The following SKI variants were observed in gnomAD, a reference collection of about 807,000 sequenced individuals.
The protein encoded by SKI is ski oncogene.
A neutral mutation model predicts 59.3 loss-of-function variants in SKI; 23 were observed. The observed-to-expected ratio is 0.39, with a 90% CI of 0.28 to 0.55. SKI has a LOEUF of 0.55. Ranked by LOEUF, SKI falls within the 20% of genes least tolerant of loss-of-function variation. The pLI is 0.67. For synonymous variants in SKI, 673 were observed against 488.6 expected (o/e 1.38, Z -4.98); for missense variants, 1,017 against 1,038.9 (o/e 0.98, Z 0.29).
chr1:2,304,658 A>G, intron 5 of SKI, 73 bp downstream of exon 5: 1 of 1,478,600 alleles, frequency 6.8e-7, no homozygotes. Flanking sequence ...GTGAACGGGC[A>G]CAGGTGGTGC....
At chr1:2,295,980 T>G (rs183163871) in intron 1 of SKI, among the ~76,000 whole-genome samples, 19 of 152,318 alleles carry the variant, frequency 1.2e-4, no homozygotes, top group Admixed American at 7.2e-4. Flanking sequence ...TGTGTTAAGC[T>G]TCCGAGGACC....
At chr1:2,256,947 G>C (rs1639286726) in intron 1 of SKI, among the ~76,000 whole-genome samples, 3 of 152,218 alleles carry the variant, frequency 2.0e-5, no homozygotes, top group African/African-American at 7.2e-5. Context: ...GGCATCTTCT[G>C]CTCGGTGCTC....
In SKI at chr1:2,302,751, G is replaced by T. The variant is rs559743358; in HGVS notation, c.970-227G>T. On this transcript the variant is annotated intron_variant, in intron 1 of 6. Coordinates refer to ENST00000378536, the MANE Select transcript of SKI (RefSeq NM_003036.4). ...CACTCTGTTCTCTCGGAGATGACTT[G>T]TCCCTCAGCACAGCCTCCACGTGCC... Among the ~76,000 whole-genome samples the T allele has an allele frequency of 7.2e-5, 11 of 152,328 alleles. No individual in the cohort carries two copies. The East Asian group carries it at 1.7e-3, about 24-fold the overall frequency.
rs1233305076 is a variant in SKI at position 2,303,389 on chromosome 1, C to G, written c.1200C>G (p.Leu400=). 6.2e-7 allele frequency: 1 copy of G among 1,612,824 alleles called. No individual in the cohort carries two copies. The highest frequency in any genetic ancestry group is 1.7e-5 in the Admixed American group (1 of 60,024). The change falls in exon 3 of 7, where the codon CTC becomes CTG. Residue 400 remains leucine, a synonymous_variant. Transcript: ENST00000378536. The surrounding 1 kb of genome is among the most constrained non-coding windows in gnomAD (Gnocchi z 5.6). ...EKELSPHLPA[L]IRDSFYSYKS... is the part of the protein sequence containing the mutation. The stretch of plus-strand genomic sequence containing the variant: ...AGCTCTCCCCACACCTCCCGGCCCT[C>G]ATCCGAGACAGGTGAGTGGGCGCCA...
At chr1:2,299,714 C>T (rs2001206) in intron 1 of SKI, among the ~76,000 whole-genome samples, 3,307 of 152,228 alleles carry the variant, frequency 0.022, 116 homozygotes, top group African/African-American at 0.076. Context: ...ACTCCCTTTC[C>T]TTATTGCAGG....
At chr1:2,261,846 G>A (rs1231408543) in intron 1 of SKI, among the ~76,000 whole-genome samples, 4 of 150,088 alleles carry the variant, frequency 2.7e-5, no homozygotes, top group African/African-American at 9.8e-5. Context: ...TCAGAGTTTG[G>A]ATGGGAGTGG....
intron 1 of SKI, among the ~76,000 whole-genome samples, chr1:2,257,172 A>G (rs1445661793): frequency 6.6e-6 from 1 of 152,220 alleles, no homozygotes; most frequent in African/African-American, 2.4e-5. Flanking sequence ...TGGATGCTGT[A>G]TCTTTCTCCT....
Position 2,242,291 on chromosome 1 carries a change from C to T in SKI, c.969+12556C>T, listed in dbSNP as rs568141900. Reference sequence around the variant, plus strand: ...GCTCATCAAAGAACCCCAGAACAGCCGAGAAGAGTGCAGAGGGTAACCCCT... The same window carrying T: ...GCTCATCAAAGAACCCCAGAACAGCTGAGAAGAGTGCAGAGGGTAACCCCT... On this transcript the variant is annotated intron_variant, in intron 1 of 6. Transcript: ENST00000378536. Among the ~76,000 whole-genome samples the T allele has an allele frequency of 1.1e-4, 17 of 151,956 alleles. No individual in the cohort carries two copies. In the South Asian group the frequency reaches 3.1e-3, roughly 28 times the overall value.
rs1569874641 is a variant in SKI, at chr1:2,308,712, A to AG, written c.*1948dup. On this transcript the variant is annotated 3_prime_UTR_variant, in exon 7 of 7. Coordinates refer to ENST00000378536, the MANE Select transcript of SKI (RefSeq NM_003036.4). ...TGGCTGTCCTGTGTCGCCAGGTCGA[A>AG]GATCACAGTGAGGTAGAGGCCCTGC... The AG allele has an allele frequency of 2.0e-5, 3 of 152,246 alleles. No homozygotes were observed. The East Asian group carries it at 5.8e-4, about 29-fold the overall frequency. 9.4% of individuals were successfully genotyped at this position (152,246 alleles called of 1,614,324 possible). A position where few individuals can be genotyped will look rare whatever the true frequency, so the allele number is the denominator to read the frequency against.
intron 4 of SKI, 89 bp from the exon 5 acceptor site, chr1:2,304,204 C>T (rs752557813): frequency 6.6e-5 from 104 of 1,567,534 alleles, no homozygotes; most frequent in Middle Eastern, 1.7e-4. Context: ...CCCCATGTTT[C>T]GCAGGTTCCT....
intron 1 of SKI, among the ~76,000 whole-genome samples, chr1:2,239,058 C>T (rs1016327630): frequency 3.9e-5 from 6 of 152,172 alleles, no homozygotes; most frequent in Non-Finnish European, 8.8e-5. Flanking sequence ...CTGCTGCCTC[C>T]GCCTTTCCTG....
intron 1 of SKI, among the ~76,000 whole-genome samples, chr1:2,237,776 G>A (rs696094): frequency 0.34 from 51,362 of 152,164 alleles, 8,930 homozygotes; most frequent in Admixed American, 0.4. Flanking sequence ...TTGAGGGAAC[G>A]TGTCTGTCCT....
intron 1 of SKI, among the ~76,000 whole-genome samples, chr1:2,294,008 C>T (rs1278456349): frequency 3.9e-5 from 6 of 152,194 alleles, no homozygotes; most frequent in Non-Finnish European, 7.3e-5. Context: ...GGAGGCTCCC[C>T]ATGTTTTCTG....
chr1:2,274,162 C>A (rs746914045), intron 1 of SKI, among the ~76,000 whole-genome samples: 1 of 151,926 alleles, frequency 6.6e-6, no homozygotes, highest in African/African-American at 2.4e-5. Flanking sequence ...GGTTTTGCTC[C>A]GAGGCTGGAC....
In SKI at chr1:2,228,843, TG is replaced by T; in HGVS notation, c.78del (p.Ser27AlafsTer3). The T allele has an allele frequency of 7.1e-7, 1 of 1,413,718 alleles. No homozygotes were observed. Among genetic ancestry groups the T allele is most frequent in the Non-Finnish European group, 9.3e-7 (1 of 1,078,250 alleles). The allele number at this position is 1,413,718 out of a possible 1,614,324, so 87.6% of individuals were successfully genotyped here. ...CAGAAGACGCTGGAGCAGTTCCACC[TG>T]AGCTCCATGAGCTCGCTGGGCGGCC... ...GLQKTLEQFH[L>X]SSMSSLGGPA... On this transcript the variant is annotated frameshift_variant, in exon 1 of 7. Transcript: ENST00000378536. LOFTEE classifies it high-confidence loss of function.
At chr1:2,263,846 G>A (rs965419890) in intron 1 of SKI, among the ~76,000 whole-genome samples, 2 of 137,128 alleles carry the variant, frequency 1.5e-5, no homozygotes, top group Admixed American at 7.6e-5. Context: ...CAGCCTGGGC[G>A]ACAAAGCAAG....
intron 1 of SKI, among the ~76,000 whole-genome samples, chr1:2,259,134 C>A (rs1308818026): frequency 1.3e-5 from 2 of 152,216 alleles, no homozygotes; most frequent in Admixed American, 1.3e-4. Context: ...GGTGGCTCCT[C>A]CGGAACCCCT....
At chr1:2,258,395 G>A (rs1267954827) in intron 1 of SKI, among the ~76,000 whole-genome samples, 6 of 152,112 alleles carry the variant, frequency 3.9e-5, no homozygotes, top group African/African-American at 1.2e-4. Flanking sequence ...AGCGTGCTAC[G>A]GCGTCATGGA....
chr1:2,297,463 C>T (rs1387102948), intron 1 of SKI, among the ~76,000 whole-genome samples: 1 of 152,232 alleles, frequency 6.6e-6, no homozygotes, highest in Admixed American at 6.5e-5. Flanking sequence ...AACACCAGCA[C>T]AGGCGATCTC....
Sources: gnomAD v4.1 joint callset for allele counts (sites outside exome capture counted in the v4.1 genomes callset) on GRCh38, gnomAD v4.1.1 for gene constraint, Gnocchi (gnomAD v3.1) non-coding constraint, MANE v1.5 for transcripts, NCBI Gene and HGNC (gene_info 2026-07-23, HGNC 2026-07-21) for gene names.